The following MARCHF5 variants were observed in gnomAD, a reference collection of about 807,000 sequenced individuals.
MARCHF5 encodes the protein E3 ubiquitin-protein ligase MARCHF5.
In MARCHF5, 5 loss-of-function variants were observed where a neutral mutation model predicts 36.5. That is an observed-to-expected ratio of 0.14 (90% confidence interval 0.07 to 0.29). MARCHF5 has a LOEUF of 0.29. Among genes scored for constraint, MARCHF5 ranks in the 10% least tolerant of loss-of-function variants. MARCHF5 has a pLI of 1.00. For synonymous variants in MARCHF5, 103 were observed against 109.9 expected (o/e 0.94, Z 0.39); for missense variants, 179 against 336.3 (o/e 0.53, Z 3.66).
chr10:92,318,146 G>A (rs1371623553), intron 2 of MARCHF5, among the ~76,000 whole-genome samples: 3 of 152,104 alleles, frequency 2.0e-5, no homozygotes, highest in Non-Finnish European at 4.4e-5. Flanking sequence ...GATATCCTTG[G>A]CTGGGAGCCG....
At chr10:92,339,378 A>G (rs1843547111) in intron 2 of MARCHF5, among the ~76,000 whole-genome samples, 1 of 148,876 alleles carries the variant, frequency 6.7e-6, no homozygotes, top group Non-Finnish European at 1.5e-5. Flanking sequence ...TCAAAAATAA[A>G]TAAATAGCTG....
intron 3 of MARCHF5, among the ~76,000 whole-genome samples, chr10:92,343,274 A>G (rs1363244101): frequency 1.3e-5 from 2 of 152,106 alleles, no homozygotes; most frequent in Non-Finnish European, 2.9e-5. Flanking sequence ...CCCTCCTTCC[A>G]GGCTTAGCTA....
chr10:92,314,211 AAAT>A (rs961876794), intron 2 of MARCHF5, among the ~76,000 whole-genome samples: 14 of 534 alleles, frequency 0.026, no homozygotes, highest in Admixed American at 0.083. Flanking sequence ...AACCAATCTT[AAAT>A]AAAAGAGAGA....
At chr10:92,346,928 T>C (rs1200651931) in intron 3 of MARCHF5, among the ~76,000 whole-genome samples, 3 of 152,174 alleles carry the variant, frequency 2.0e-5, no homozygotes, top group Non-Finnish European at 2.9e-5. Flanking sequence ...AAAGGACACA[T>C]AACCCGACAA....
intron 1 of MARCHF5, among the ~76,000 whole-genome samples, chr10:92,296,236 A>G (rs1259919480): frequency 1.3e-5 from 2 of 152,098 alleles, no homozygotes; most frequent in Non-Finnish European, 2.9e-5. Context: ...TTTTATGTAA[A>G]TTTATTATTT....
chr10:92,330,104 A>G (rs7077207), intron 2 of MARCHF5, among the ~76,000 whole-genome samples: 2,090 of 152,252 alleles, frequency 0.014, 39 homozygotes, highest in African/African-American at 0.048. Flanking sequence ...TGGCCTCCAA[A>G]AGTGCTGGGA....
Position 92,352,490 on chromosome 10 carries a change from G to C in MARCHF5, c.*1283G>C, listed in dbSNP as rs1488677949. 2.6e-5 allele frequency: 4 copies of C among 152,280 alleles called. No individual in the cohort carries two copies. The East Asian group carries it at 7.7e-4, about 29-fold the overall frequency. 9.4% of individuals were successfully genotyped at this position (152,280 alleles called of 1,614,324 possible). ...TTTTCAATAGATTGGCCATTTTAAT[G>C]TTCAGCAACCTGAATGGTTATTTTT... On this transcript the variant is annotated 3_prime_UTR_variant, in exon 6 of 6. Coordinates refer to ENST00000358935, the MANE Select transcript of MARCHF5 (RefSeq NM_017824.5).
chr10:92,297,582 C>G (rs1277090566), intron 1 of MARCHF5, among the ~76,000 whole-genome samples: 2 of 150,626 alleles, frequency 1.3e-5, no homozygotes, highest in Non-Finnish European at 3.0e-5. Flanking sequence ...ACCTCCACCT[C>G]CTGAGTTCAA....
intron 1 of MARCHF5, 66 bp from the exon 2 acceptor site, chr10:92,311,068 GC>G (rs1419726329): frequency 8.7e-7 from 1 of 1,143,916 alleles, no homozygotes. Flanking sequence ...TTAAGTAAGA[GC>G]TGCAGTATAG....
At chr10:92,322,658 A>G (rs1256772150) in intron 2 of MARCHF5, among the ~76,000 whole-genome samples, 10 of 148,576 alleles carry the variant, frequency 6.7e-5, no homozygotes, top group Non-Finnish European at 1.0e-4. Context: ...CATGTTGTCC[A>G]GGCTGGTCTC....
chr10:92,308,531 A>C (rs1252139167), intron 1 of MARCHF5: 4 of 152,126 alleles, frequency 2.6e-5, no homozygotes, highest in African/African-American at 9.7e-5. Context: ...GCTCCTATTC[A>C]ATCAAGACGG....
At chr10:92,294,681 A>G (rs1842928213) in intron 1 of MARCHF5, among the ~76,000 whole-genome samples, 1 of 152,218 alleles carries the variant, frequency 6.6e-6, no homozygotes, top group Non-Finnish European at 1.5e-5. Flanking sequence ...TGCAGGTTTT[A>G]TCTTCGTGAA....
At chr10:92,307,208 T>C (rs1046486597) in intron 1 of MARCHF5, among the ~76,000 whole-genome samples, 46 of 131,592 alleles carry the variant, frequency 3.5e-4, no homozygotes, top group East Asian at 9.1e-4. Flanking sequence ...TGTGTGTGTG[T>C]GTGTGCGCGT....
chr10:92,312,456 A>G (rs533613901), intron 2 of MARCHF5, among the ~76,000 whole-genome samples: 31 of 152,338 alleles, frequency 2.0e-4, no homozygotes, highest in African/African-American at 7.0e-4. Context: ...AGTGCATACC[A>G]CTGATTTTAG....
chr10:92,335,690 T>A (rs182121289), intron 2 of MARCHF5, among the ~76,000 whole-genome samples: 15 of 152,284 alleles, frequency 9.9e-5, no homozygotes, highest in Admixed American at 9.2e-4. Flanking sequence ...TATGAAGACT[T>A]TTTTTTCTTA....
intron 2 of MARCHF5, 84 bp downstream of exon 2, chr10:92,311,421 C>G: frequency 1.1e-6 from 1 of 915,386 alleles, no homozygotes; most frequent in Non-Finnish European, 1.6e-6. Flanking sequence ...TGAACCACCT[C>G]TTTTTTTTAG....
chr10:92,320,383 C>T (rs1291022024), intron 2 of MARCHF5, among the ~76,000 whole-genome samples: 1 of 152,042 alleles, frequency 6.6e-6, no homozygotes, highest in Non-Finnish European at 1.5e-5. Flanking sequence ...TTAGAGTATA[C>T]TTCTTTTACT....
intron 2 of MARCHF5, among the ~76,000 whole-genome samples, chr10:92,331,877 AATC>A (rs898688163): frequency 2.7e-5 from 1 of 37,674 alleles, no homozygotes; most frequent in Non-Finnish European, 7.1e-5. Context: ...TTTTATATAT[AATC>A]ATATATATGT....
At chr10:92,299,840 A>AT (rs796635052) in intron 1 of MARCHF5, among the ~76,000 whole-genome samples, 3 of 152,204 alleles carry the variant, frequency 2.0e-5, no homozygotes, top group East Asian at 1.9e-4. Context: ...CAGAAGCACC[A>AT]TTTTTTTAAA....
Sources: allele counts gnomAD v4.1 joint callset (sites outside exome capture counted in the v4.1 genomes callset), GRCh38; gene constraint gnomAD v4.1.1; transcripts MANE v1.5; gene names NCBI Gene and HGNC (gene_info 2026-07-23, HGNC 2026-07-21).